Variants in ATP5F1A observed in about 807,000 individuals in gnomAD.
The protein encoded by ATP5F1A is ATP synthase F(1) complex subunit alpha, mitochondrial.
A neutral mutation model predicts 57.4 loss-of-function variants in ATP5F1A; 24 were observed. The observed-to-expected ratio is 0.42, with a 90% CI of 0.30 to 0.59. ATP5F1A has a LOEUF of 0.59. ATP5F1A is among the 20% of genes least tolerant of loss of function. ATP5F1A has a pLI of 0.19. For synonymous variants in ATP5F1A, 251 were observed against 255.5 expected (o/e 0.98, Z 0.17); for missense variants, 494 against 707.9 (o/e 0.70, Z 3.43).
rs746373101 is a variant in ATP5F1A, at chr18:46,087,507, T to C, written c.800-15A>G. ...CTTCATGGCATCTGAGAAAATATATTTTACAATTTTATCAATATTGTGGTT... is the reference window on the plus strand; with the variant it reads ...CTTCATGGCATCTGAGAAAATATATCTTACAATTTTATCAATATTGTGGTT... On this transcript the variant is annotated splice_polypyrimidine_tract_variant and intron_variant, in intron 6 of 11. Transcript: ENST00000398752. The C allele has an allele frequency of 6.2e-7, 1 of 1,607,794 alleles. No homozygotes were observed. The highest frequency in any genetic ancestry group is 1.7e-5 in the Admixed American group (1 of 57,642).
At chr18:46,090,832 G>A (rs1467315041) in intron 3 of ATP5F1A, among the ~76,000 whole-genome samples, 1 of 152,064 alleles carries the variant, frequency 6.6e-6, no homozygotes, top group Non-Finnish European at 1.5e-5. Flanking sequence ...ATATTAAACA[G>A]CACAGATGTA....
At chr18:46,096,779 C>G (rs1910990208) in intron 1 of ATP5F1A, among the ~76,000 whole-genome samples, 1 of 150,868 alleles carries the variant, frequency 6.6e-6, no homozygotes, top group Non-Finnish European at 1.5e-5. Context: ...GTCAGGAGTT[C>G]AAGACCAGCC....
At chr18:46,093,688 G>GT (rs1206817950) in intron 2 of ATP5F1A, among the ~76,000 whole-genome samples, 5 of 152,114 alleles carry the variant, frequency 3.3e-5, no homozygotes, top group African/African-American at 1.2e-4. Context: ...GCCAGGTGTG[G>GT]TGGTGCGTGC....
upstream of ATP5F1A, among the ~76,000 whole-genome samples, chr18:46,102,853 C>T (rs980672450): frequency 4.6e-5 from 7 of 152,026 alleles, no homozygotes; most frequent in Admixed American, 2.6e-4. Flanking sequence ...GAGGCTGAAG[C>T]GGGAGGATTG....
At chr18:46,103,525 C>G (rs1179087790) in intron 1 of ATP5F1A, among the ~76,000 whole-genome samples, 1 of 141,252 alleles carries the variant, frequency 7.1e-6, no homozygotes, top group Admixed American at 7.7e-5. Context: ...CGCTTGAACC[C>G]GGGAAGCAGA....
chr18:46,086,767 G>T, intron 8 of ATP5F1A: 1 of 602,544 alleles, frequency 1.7e-6, no homozygotes, highest in Non-Finnish European at 2.9e-6. Flanking sequence ...TTATCTAGAA[G>T]GGAGAACAGT....
chr18:46,099,193 G>A (rs1911189211), upstream of ATP5F1A: 1 of 152,210 alleles, frequency 6.6e-6, no homozygotes, highest in African/African-American at 2.4e-5. Context: ...CACCAGGATA[G>A]GACGAGGACT....
intron 2 of ATP5F1A, chr18:46,093,232 T>C (rs796219191): frequency 2.0e-5 from 3 of 152,236 alleles, no homozygotes; most frequent in African/African-American, 7.2e-5. Flanking sequence ...GTATAGGTGG[T>C]ATTCTTCATC....
chr18:46,080,486 A>C lies in ATP5F1A; in HGVS notation c.*3796T>G, dbSNP rs1909682240. The C allele has an allele frequency of 6.6e-6, 1 of 152,216 alleles. No individual in the cohort carries two copies. The highest frequency in any genetic ancestry group is 1.9e-4 in the East Asian group (1 of 5,192). The allele number at this position is 152,216 out of a possible 1,614,324, so 9.4% of individuals were successfully genotyped here. On this transcript the variant is annotated 3_prime_UTR_variant, in exon 12 of 12. Coordinates refer to ENST00000398752, the MANE Select transcript of ATP5F1A (RefSeq NM_004046.6). Reference sequence around the variant, plus strand: ...AGGTCTCCTATGTCATTAGTCTGTAAGTACTTAGTAAAAAGCAGTATTTGA... The same window carrying C: ...AGGTCTCCTATGTCATTAGTCTGTACGTACTTAGTAAAAAGCAGTATTTGA...
chr18:46,103,547 G>C (rs1911351867), intron 1 of ATP5F1A, among the ~76,000 whole-genome samples: 1 of 145,624 alleles, frequency 6.9e-6, no homozygotes. Context: ...GTGGCAGTGA[G>C]CTGAGAGCCG....
intron 1 of ATP5F1A, 155 bp downstream of exon 1, chr18:46,098,015 CTG>C: frequency 7.1e-7 from 1 of 1,416,990 alleles, no homozygotes; most frequent in South Asian, 1.5e-5. Context: ...AAAAGGGCAC[CTG>C]TGTCGCCTGC....
upstream of ATP5F1A, chr18:46,098,362 A>AGGGGGGGGGGGGGGG: frequency 5.5e-6 from 7 of 1,281,388 alleles, no homozygotes; most frequent in Non-Finnish European, 7.0e-6. Context: ...CCTCGCGTTC[A>AGGGGGGGGGGGGGGG]CCACCTCTCC....
rs1420676476 is a variant in ATP5F1A at position 46,091,888 on chromosome 18, C to A, written c.140-37G>T. ...AATTCAATTCAATTAAAAAAATAATCTGGGCCAGGCACAGTGGCTCACAGC... is the reference window on the plus strand; with the variant it reads ...AATTCAATTCAATTAAAAAAATAATATGGGCCAGGCACAGTGGCTCACAGC... On this transcript the variant is annotated intron_variant, in intron 2 of 11. Coordinates refer to ENST00000398752, the MANE Select transcript of ATP5F1A (RefSeq NM_004046.6). 19 of 1,586,920 alleles carry A rather than the reference C, an allele frequency of 1.2e-5. No individual in the cohort carries two copies. The South Asian group carries it at 2.0e-4, about 16-fold the overall frequency.
At chr18:46,100,251 T>TAAAAAAAAAAAAAAAAAAAAAA (rs34683117), upstream of ATP5F1A, among the ~76,000 whole-genome samples, 3 of 68,658 alleles carry the variant, frequency 4.4e-5, no homozygotes, top group Non-Finnish European at 5.7e-5. Flanking sequence ...AAACTCCATC[T>TAAAAAAAAAAAAAAAAAAAAAA]AAAAAAAAAA....
At chr18:46,104,215 C>T (rs113258704) in exon 1 of ATP5F1A, 6 of 420,684 alleles carry the variant, frequency 1.4e-5, no homozygotes, top group African/African-American at 8.2e-5. Flanking sequence ...GGCAACGAAG[C>T]GAGGCTTGCA....
chr18:46,104,126 G>GA, intron 1 of ATP5F1A: 1 of 377,008 alleles, frequency 2.7e-6, no homozygotes, highest in Non-Finnish European at 4.7e-6. Flanking sequence ...ATAAAAGAAA[G>GA]AAAAAACAAC....
intron 11 of ATP5F1A, 33 bp from the exon 12 acceptor site, chr18:46,084,396 G>C (rs368878416): frequency 1.4e-5 from 22 of 1,599,714 alleles, no homozygotes; most frequent in Middle Eastern, 1.7e-4. Flanking sequence ...CGTAAGTTCT[G>C]ACCTGGAAAA....
chr18:46,087,858 C>T, intron 6 of ATP5F1A: 2 of 486,892 alleles, frequency 4.1e-6, no homozygotes, highest in South Asian at 5.3e-5. Flanking sequence ...CCAGCCTGGG[C>T]AACAAGAGTG....
chr18:46,094,921 TA>T, intron 2 of ATP5F1A, 131 bp downstream of exon 2: 1 of 1,279,928 alleles, frequency 7.8e-7, no homozygotes, highest in Non-Finnish European at 1.0e-6. Flanking sequence ...CAATATGGTT[TA>T]AGAACCTGAG....
Sources: gnomAD v4.1 joint callset for allele counts (sites outside exome capture counted in the v4.1 genomes callset) on GRCh38, gnomAD v4.1.1 for gene constraint, MANE v1.5 for transcripts, NCBI Gene and HGNC (gene_info 2026-07-23, HGNC 2026-07-21) for gene names.